Variants in RIMS1 observed in about 807,000 individuals in gnomAD.
RIMS1 encodes regulating synaptic membrane exocytosis 1.
RIMS1 carries 83 observed loss-of-function variants against 214.1 expected under a neutral mutation model. The ratio of observed to expected loss-of-function variants is 0.39; its 90% CI spans 0.32 to 0.47. RIMS1 has a LOEUF of 0.47. RIMS1 is among the 20% of genes least tolerant of loss of function. RIMS1 has a pLI of 0.99. For synonymous variants in RIMS1, 793 were observed against 786.8 expected (o/e 1.01, Z -0.13); for missense variants, 2,050 against 2,161.8 (o/e 0.95, Z 1.03).
chr6:72,350,918 C>T (rs1022390548), intron 29 of RIMS1, among the ~76,000 whole-genome samples: 6 of 152,066 alleles, frequency 3.9e-5, no homozygotes, highest in Admixed American at 2.0e-4. Context: ...CTAAGGAAAG[C>T]GTCTGGAAGA....
intron 4 of RIMS1, among the ~76,000 whole-genome samples, chr6:72,100,648 G>GTGTAAATTACTATACACCTTCATT (rs2033323378): frequency 6.6e-6 from 1 of 151,852 alleles, no homozygotes; most frequent in Admixed American, 6.6e-5. Flanking sequence ...CCTTCATTTG[G>GTGTAAATTACTATACACCTTCATT]TGTAAATTTT....
chr6:72,242,390 A>G lies in RIMS1; in HGVS notation c.2034A>G (p.Glu678=), dbSNP rs371238404. ...AAGAAGTTTACAACATTATTTTAGA[A>G]TCAAAATCAGAACCTCAAGTTGAAA... ...TNEEVYNIIL[E]SKSEPQVEII... The change falls in exon 10 of 34, where the codon GAA becomes GAG. Residue 678 remains glutamate, a synonymous_variant. Coordinates refer to ENST00000521978, the MANE Select transcript of RIMS1 (RefSeq NM_014989.7). 13 of 1,562,218 alleles carry G rather than the reference A, an allele frequency of 8.3e-6. No homozygotes were observed. Among genetic ancestry groups the G allele is most frequent in the South Asian group, 5.9e-5 (5 of 84,428 alleles).
intron 29 of RIMS1, among the ~76,000 whole-genome samples, chr6:72,337,500 G>A (rs886467879): frequency 6.6e-6 from 1 of 151,644 alleles, no homozygotes; most frequent in Non-Finnish European, 1.5e-5. Flanking sequence ...AGTTATGTTT[G>A]TGTGAGTGTA....
At chr6:71,992,468 CCTTT>C (rs1472104067) in intron 2 of RIMS1, among the ~76,000 whole-genome samples, 2 of 133,976 alleles carry the variant, frequency 1.5e-5, no homozygotes, top group African/African-American at 5.4e-5. Flanking sequence ...CTTTCTTTCT[CCTTT>C]CTTCCTTCCT....
intron 4 of RIMS1, among the ~76,000 whole-genome samples, chr6:72,174,260 A>G (rs2047416116): frequency 6.6e-6 from 1 of 152,134 alleles, no homozygotes; most frequent in Non-Finnish European, 1.5e-5. Flanking sequence ...TGGTTCTATT[A>G]TCTAAATGAA....
At chr6:71,977,098 A>T (rs1797350902) in intron 2 of RIMS1, among the ~76,000 whole-genome samples, 1 of 152,256 alleles carries the variant, frequency 6.6e-6, no homozygotes, top group Admixed American at 6.5e-5. Flanking sequence ...AAGAATGGAT[A>T]ATCCACTTGT....
chr6:72,374,871 C>G (rs1026871601), intron 29 of RIMS1, among the ~76,000 whole-genome samples: 1 of 152,112 alleles, frequency 6.6e-6, no homozygotes, highest in Non-Finnish European at 1.5e-5. Context: ...ACTAAACAGT[C>G]CCATCTGGGG....
At chr6:72,128,303 C>A (rs542688467) in intron 4 of RIMS1, among the ~76,000 whole-genome samples, 6 of 152,208 alleles carry the variant, frequency 3.9e-5, no homozygotes, top group Admixed American at 2.0e-4. Flanking sequence ...TCCAAGAAAA[C>A]CAGAGAAGGA....
intron 1 of RIMS1, among the ~76,000 whole-genome samples, chr6:71,909,264 C>G (rs1210718638): frequency 6.6e-6 from 1 of 152,084 alleles, no homozygotes; most frequent in African/African-American, 2.4e-5. Flanking sequence ...TCCAAAGTGC[C>G]GGGAAGTGCT....
chr6:72,325,792 T>A (rs2096434329), intron 28 of RIMS1, among the ~76,000 whole-genome samples: 1 of 151,832 alleles, frequency 6.6e-6, no homozygotes, highest in Admixed American at 6.6e-5. Context: ...CTTGAAGAGA[T>A]TGAATATAAA....
intron 2 of RIMS1, among the ~76,000 whole-genome samples, chr6:72,085,994 T>C (rs369441555): frequency 2.1e-3 from 317 of 152,280 alleles, no homozygotes; most frequent in Non-Finnish European, 2.9e-3. Flanking sequence ...TTGTACCCAC[T>C]AATCTTTGGA....
At chr6:71,951,728 G>T (rs1258444635) in intron 1 of RIMS1, among the ~76,000 whole-genome samples, 1 of 151,160 alleles carries the variant, frequency 6.6e-6, no homozygotes, top group East Asian at 1.9e-4. Flanking sequence ...CGAACTGTTG[G>T]GCTCAAGCCA....
intron 2 of RIMS1, among the ~76,000 whole-genome samples, chr6:72,068,854 T>C (rs1586198330): frequency 6.6e-6 from 1 of 150,728 alleles, no homozygotes; most frequent in African/African-American, 2.4e-5. Flanking sequence ...GAGCTTGCAG[T>C]GAGCCGAGAT....
At chr6:71,998,830 T>G (rs1438660880) in intron 2 of RIMS1, among the ~76,000 whole-genome samples, 1 of 152,206 alleles carries the variant, frequency 6.6e-6, no homozygotes, top group African/African-American at 2.4e-5. Context: ...ATATTTATTT[T>G]CCAGGAGGAG....
chr6:72,189,531 T>C (rs1217179914), intron 6 of RIMS1, among the ~76,000 whole-genome samples: 1 of 152,202 alleles, frequency 6.6e-6, no homozygotes, highest in East Asian at 1.9e-4. Context: ...TCTGTTCCAG[T>C]AAGGACAAAC....
At chr6:72,284,253 C>T in intron 24 of RIMS1, 135 bp downstream of exon 24, 1 of 596,134 alleles carries the variant, frequency 1.7e-6, no homozygotes. Flanking sequence ...ACTAAACCTA[C>T]CCCTAAATGG....
intron 1 of RIMS1, among the ~76,000 whole-genome samples, chr6:71,922,008 A>G (rs1780151184): frequency 6.6e-6 from 1 of 152,198 alleles, no homozygotes; most frequent in Non-Finnish European, 1.5e-5. Flanking sequence ...TAATCACTAT[A>G]TAGAATCCAG....
rs540022706 is a variant in RIMS1 at position 72,110,801 on chromosome 6, C to T, written c.471+10815C>T. Among the ~76,000 whole-genome samples the T allele has an allele frequency of 1.8e-3, 272 of 152,246 alleles. 2 individuals are homozygous for T. Among genetic ancestry groups the T allele is most frequent in the African/African-American group, 5.7e-3 (238 of 41,560 alleles). ...GTGCCAGTTTTCAAAGGGAATTCTT[C>T]CAGTTTTTGCCCATTCAGTATGATA... is the stretch of plus-strand genomic sequence containing the variant. On this transcript the variant is annotated intron_variant, in intron 4 of 33. Transcript: ENST00000521978.
At chr6:72,106,331 G>A (rs966738880) in intron 4 of RIMS1, among the ~76,000 whole-genome samples, 7 of 152,136 alleles carry the variant, frequency 4.6e-5, no homozygotes, top group Non-Finnish European at 1.0e-4. Context: ...TGCTGTTACA[G>A]CAAATTACAT....
Sources: allele counts gnomAD v4.1 joint callset (sites outside exome capture counted in the v4.1 genomes callset), GRCh38; gene constraint gnomAD v4.1.1; transcripts MANE v1.5; gene names NCBI Gene and HGNC (gene_info 2026-07-23, HGNC 2026-07-21).